The following SFMBT1 variants were observed in gnomAD, a reference collection of about 807,000 sequenced individuals.
SFMBT1 encodes Scm like with four mbt domains 1, also known as scm-like with four MBT domains protein 1.
SFMBT1 carries 32 observed loss-of-function variants against 108.7 expected under a neutral mutation model. The ratio of observed to expected loss-of-function variants is 0.29; its 90% confidence interval spans 0.22 to 0.40. The LOEUF (loss-of-function observed/expected upper bound fraction) is 0.40, where lower values mean the gene tolerates loss of function less well. SFMBT1 is among the 10% of genes least tolerant of loss of function. SFMBT1 has a pLI of 1.00. For synonymous variants in SFMBT1, 348 were observed against 369.5 expected, an observed-to-expected ratio of 0.94 and a Z score of 0.67; for missense variants, 816 against 1,059.6, an observed-to-expected ratio of 0.77 and a Z score of 3.19.
At chr3:52,928,155 T>A (rs1218223289) in intron 9 of SFMBT1, 36 bp downstream of exon 9, 2 of 1,592,768 alleles carry the variant, frequency 1.3e-6, no homozygotes, top group Non-Finnish European at 1.7e-6. Context: ...AAGGAGAAGC[T>A]CTCAAGTGAC....
Position 52,939,304 on chromosome 3 carries a change from C to T in SFMBT1, c.364+4049G>A, listed in dbSNP as rs550483116. Reference sequence around the variant, plus strand: ...CTGAATTATGGTCCAGCATGGTAGCCGGACTACACCTGCAATCCCAGCACT... The same window carrying T: ...CTGAATTATGGTCCAGCATGGTAGCTGGACTACACCTGCAATCCCAGCACT... On this transcript the variant is annotated intron_variant, in intron 4 of 20. Coordinates refer to ENST00000394752, the MANE Select transcript of SFMBT1 (RefSeq NM_016329.4). Among the ~76,000 whole-genome samples, 49 of 152,164 alleles carry T rather than the reference C, an allele frequency of 3.2e-4. 5 individuals carry two copies. The highest frequency in any genetic ancestry group is 2.2e-3 in the Admixed American group (33 of 15,268).
In SFMBT1 at chr3:52,904,797, A is replaced by T. The variant is rs1702024499; in HGVS notation, c.*339T>A. ...GGAGGGAACAGAATGAAAACAACCA[A>T]AAGGGTGCTTTCCAGCAGCCTAGGT... On this transcript the variant is annotated 3_prime_UTR_variant, in exon 21 of 21. Coordinates refer to ENST00000394752, the MANE Select transcript of SFMBT1 (RefSeq NM_016329.4). 4.9e-6 allele frequency: 1 copy of T among 203,040 alleles called. No homozygotes were observed. The highest frequency in any genetic ancestry group is 2.3e-5 in the African/African-American group (1 of 43,006). 12.6% of individuals were successfully genotyped at this position (203,040 alleles called of 1,614,324 possible).
intron 3 of SFMBT1, among the ~76,000 whole-genome samples, chr3:52,944,136 A>G (rs1439933289): frequency 6.6e-6 from 1 of 152,240 alleles, no homozygotes; most frequent in Non-Finnish European, 1.5e-5. Context: ...GAAACATTAT[A>G]TGGTCACAAA....
chr3:52,913,761 T>C lies in SFMBT1; in HGVS notation c.1481-144A>G, dbSNP rs116649524. 1,753 of 894,378 alleles carry C rather than the reference T, an allele frequency of 2.0e-3. 20 individuals carry two copies. The African/African-American group carries it at 0.026, about 13-fold the overall frequency. 55.4% of individuals were successfully genotyped at this position (894,378 alleles called of 1,614,324 possible). A position where few individuals can be genotyped will look rare whatever the true frequency, so the allele number is the denominator to read the frequency against. On this transcript the variant is annotated intron_variant, in intron 14 of 20. Coordinates refer to ENST00000394752, the MANE Select transcript of SFMBT1 (RefSeq NM_016329.4). ...GAATTACTTATTTTGAAGCTTAACA[T>C]GTTGTCTGAGAATGCTCTTAAGTAA...
intron 1 of SFMBT1, among the ~76,000 whole-genome samples, chr3:52,977,024 T>G (rs545853527): frequency 8.9e-4 from 136 of 152,342 alleles, no homozygotes; most frequent in African/African-American, 3.0e-3. Flanking sequence ...TTAACTTGCA[T>G]TCTCTACAAC....
intron 10 of SFMBT1, 100 bp downstream of exon 10, chr3:52,925,927 TTAAG>T: frequency 9.7e-7 from 1 of 1,032,788 alleles, no homozygotes; most frequent in Non-Finnish European, 1.4e-6. Context: ...CTCATCTGGA[TTAAG>T]TGAGATGATT....
intron 10 of SFMBT1, 25 bp from the exon 11 acceptor site, chr3:52,921,856 A>G: frequency 1.2e-6 from 2 of 1,612,110 alleles, no homozygotes; most frequent in Non-Finnish European, 1.7e-6. Flanking sequence ...AATCAAATCA[A>G]TTTACTGGAT....
At chr3:52,997,818 T>C (rs1258909371) in intron 1 of SFMBT1, among the ~76,000 whole-genome samples, 1 of 150,572 alleles carries the variant, frequency 6.6e-6, no homozygotes, top group African/African-American at 2.4e-5. Flanking sequence ...TGCATAACTC[T>C]ATACAATTAC....
chr3:52,926,700 C>T (rs1026390126), intron 9 of SFMBT1, among the ~76,000 whole-genome samples: 4 of 152,000 alleles, frequency 2.6e-5, no homozygotes, highest in Non-Finnish European at 5.9e-5. Context: ...GCTTAGCACC[C>T]CACTTAAGTC....
chr3:52,922,743 T>C (rs1702555772), intron 10 of SFMBT1, among the ~76,000 whole-genome samples: 1 of 152,096 alleles, frequency 6.6e-6, no homozygotes, highest in East Asian at 1.9e-4. Flanking sequence ...TTCCTTCCTC[T>C]CCCCTACAGA....
chr3:53,028,462 A>C (rs1431586670), intron 1 of SFMBT1, among the ~76,000 whole-genome samples: 2 of 152,194 alleles, frequency 1.3e-5, no homozygotes, highest in African/African-American at 4.8e-5. Context: ...CTTTGCCACA[A>C]ATTCAACTCT....
intron 11 of SFMBT1, 40 bp downstream of exon 11, chr3:52,921,665 A>G (rs1264139630): frequency 1.2e-6 from 2 of 1,604,034 alleles, no homozygotes; most frequent in Non-Finnish European, 1.7e-6. Context: ...AGCTCAAAGG[A>G]GAGTGGCCAC....
At chr3:52,924,226 TC>T (rs1702595280) in intron 10 of SFMBT1, among the ~76,000 whole-genome samples, 1 of 151,996 alleles carries the variant, frequency 6.6e-6, no homozygotes, top group African/African-American at 2.4e-5. Flanking sequence ...TGGGGATCCA[TC>T]AAAACAAGGA....
intron 1 of SFMBT1, among the ~76,000 whole-genome samples, chr3:52,970,588 G>A (rs6792578): frequency 0.26 from 39,278 of 151,844 alleles, 5,144 homozygotes; most frequent in East Asian, 0.33. Flanking sequence ...GGCATGGCAT[G>A]AACTAACTGC....
intron 1 of SFMBT1, among the ~76,000 whole-genome samples, chr3:52,985,961 G>A (rs750611222): frequency 1.3e-5 from 2 of 152,026 alleles, no homozygotes; most frequent in African/African-American, 2.4e-5. Flanking sequence ...TGGCCAACAT[G>A]GTGAAACCCC....
chr3:53,028,865 G>C (rs1398506562), intron 1 of SFMBT1, among the ~76,000 whole-genome samples: 1 of 152,120 alleles, frequency 6.6e-6, no homozygotes, highest in East Asian at 1.9e-4. Flanking sequence ...AACACTCTCT[G>C]AGCAAGTCAC....
At chr3:52,914,282 T>G (rs1702287401) in intron 14 of SFMBT1, among the ~76,000 whole-genome samples, 1 of 152,210 alleles carries the variant, frequency 6.6e-6, no homozygotes, top group South Asian at 2.1e-4. Context: ...AGCTGTTGAA[T>G]GTAAAAAATT....
chr3:52,960,160 T>G (rs182683668), intron 2 of SFMBT1, among the ~76,000 whole-genome samples: 1 of 151,614 alleles, frequency 6.6e-6, no homozygotes, highest in African/African-American at 2.4e-5. Flanking sequence ...AAAAGGCAAG[T>G]GCAGAATGAA....
chr3:53,038,245 C>T (rs1443764556), intron 1 of SFMBT1, among the ~76,000 whole-genome samples: 7 of 152,162 alleles, frequency 4.6e-5, no homozygotes, highest in Non-Finnish European at 1.0e-4. Context: ...GTATCTCCTC[C>T]CCTAACCATT....
Sources: allele counts gnomAD v4.1 joint callset (sites outside exome capture counted in the v4.1 genomes callset), GRCh38; gene constraint gnomAD v4.1.1; transcripts MANE v1.5; gene names NCBI Gene and HGNC (gene_info 2026-07-23, HGNC 2026-07-21).